The following GHR variants were observed in gnomAD, a reference collection of about 807,000 sequenced individuals.
GHR encodes growth hormone receptor.
In GHR, 35 loss-of-function variants were observed where a neutral mutation model predicts 67.1. The observed-to-expected ratio is 0.52, with a 90% confidence interval of 0.40 to 0.69. GHR has a LOEUF of 0.69. GHR is among the 30% of genes least tolerant of loss of function. GHR has a pLI of 0.00. For synonymous variants in GHR, 272 were observed against 269.1 expected (o/e 1.01, Z -0.10); for missense variants, 792 against 764.6 (o/e 1.04, Z -0.42).
At chr5:42,527,040 G>T (rs1312188421) in intron 1 of GHR, among the ~76,000 whole-genome samples, 1 of 152,162 alleles carries the variant, frequency 6.6e-6, no homozygotes, top group Non-Finnish European at 1.5e-5. Context: ...GTGGGAGTTT[G>T]TTAGTACCAG....
chr5:42,657,759 A>G (rs909082648), intron 3 of GHR, among the ~76,000 whole-genome samples: 3 of 152,136 alleles, frequency 2.0e-5, no homozygotes, highest in Non-Finnish European at 4.4e-5. Context: ...ATGAAGTTTT[A>G]TATAGCTACT....
intron 1 of GHR, among the ~76,000 whole-genome samples, chr5:42,529,489 A>G (rs1304992581): frequency 1.3e-5 from 2 of 152,200 alleles, no homozygotes; most frequent in Admixed American, 1.3e-4. Context: ...TCACCTCATT[A>G]TTATATGACT....
chr5:42,428,985 C>G (rs1316063209), intron 1 of GHR, among the ~76,000 whole-genome samples: 3 of 152,156 alleles, frequency 2.0e-5, no homozygotes, highest in Non-Finnish European at 4.4e-5. Context: ...TTACCCAGTT[C>G]TAAAGTTGCT....
chr5:42,424,996 G>C lies in GHR; in HGVS notation c.-12+1041G>C. The C allele has an allele frequency of 2.0e-6, 2 of 985,374 alleles. No homozygotes were observed. The highest frequency in any genetic ancestry group is 2.4e-6 in the Non-Finnish European group (2 of 829,850). The allele number at this position is 985,374 out of a possible 1,614,324, so 61.0% of individuals were successfully genotyped here. ...GGAAGAGGCCACAGAGGTGCCGCCT[G>C]TCTGTTTGTGCCGCCAGGAGACCTT... On this transcript the variant is annotated intron_variant, in intron 1 of 9. Coordinates refer to ENST00000230882, the MANE Select transcript of GHR (RefSeq NM_000163.5). The surrounding 1 kb of genome is among the most constrained non-coding windows in gnomAD (Gnocchi z 4.1).
intron 3 of GHR, among the ~76,000 whole-genome samples, chr5:42,688,382 C>T (rs575406302): frequency 7.2e-5 from 11 of 152,178 alleles, no homozygotes; most frequent in African/African-American, 1.7e-4. Context: ...GTACTGGGAG[C>T]GGTAGATAAA....
chr5:42,715,378 T>G (rs1227412306), intron 8 of GHR, among the ~76,000 whole-genome samples: 1 of 152,224 alleles, frequency 6.6e-6, no homozygotes, highest in African/African-American at 2.4e-5. Context: ...TGTAGGGCTG[T>G]AAAGTGGCGT....
intron 6 of GHR, among the ~76,000 whole-genome samples, chr5:42,709,662 G>A (rs1295139718): frequency 1.3e-5 from 2 of 152,140 alleles, no homozygotes; most frequent in Non-Finnish European, 2.9e-5. Flanking sequence ...ATGTAACATA[G>A]AAAGGTGTGT....
chr5:42,462,027 C>A (rs1231745421), intron 1 of GHR, among the ~76,000 whole-genome samples: 1 of 152,170 alleles, frequency 6.6e-6, no homozygotes, highest in Non-Finnish European at 1.5e-5. Context: ...AACATGGTAC[C>A]CAGAGGCCAA....
At chr5:42,636,047 A>G (rs991031908) in intron 3 of GHR, among the ~76,000 whole-genome samples, 12 of 151,888 alleles carry the variant, frequency 7.9e-5, no homozygotes, top group African/African-American at 1.4e-4. Flanking sequence ...CGTCTCTACT[A>G]AAAATACAAA....
chr5:42,478,151 C>T (rs1745430295), intron 1 of GHR, among the ~76,000 whole-genome samples: 1 of 152,180 alleles, frequency 6.6e-6, no homozygotes, highest in African/African-American at 2.4e-5. Context: ...ATCCTTTCCC[C>T]ATTTCTTGTT....
chr5:42,499,638 C>T (rs1746456888), intron 1 of GHR, among the ~76,000 whole-genome samples: 1 of 152,128 alleles, frequency 6.6e-6, no homozygotes, highest in African/African-American at 2.4e-5. Context: ...TTCCATCCTG[C>T]AAAAGAAAAC....
chr5:42,465,772 T>A, intron 1 of GHR: 1 of 865,408 alleles, frequency 1.2e-6, no homozygotes. Context: ...ATCCATCTCC[T>A]TGGCCCATTT....
intron 3 of GHR, among the ~76,000 whole-genome samples, chr5:42,673,070 A>G (rs999034802): frequency 2.0e-5 from 3 of 152,182 alleles, no homozygotes; most frequent in African/African-American, 7.2e-5. Context: ...TGAGCAAACA[A>G]AAAACAACCC....
intron 1 of GHR, among the ~76,000 whole-genome samples, chr5:42,544,161 T>C (rs1314244709): frequency 3.9e-5 from 6 of 152,086 alleles, no homozygotes; most frequent in Non-Finnish European, 8.8e-5. Flanking sequence ...TATGCCCTCA[T>C]CCCTAAAGAA....
intron 5 of GHR, among the ~76,000 whole-genome samples, chr5:42,695,400 A>G (rs1168411175): frequency 6.6e-6 from 1 of 152,176 alleles, no homozygotes; most frequent in East Asian, 1.9e-4. Context: ...GCAAAGGGTG[A>G]ACTTAATATA....
At chr5:42,497,212 C>T (rs1276106421) in intron 1 of GHR, among the ~76,000 whole-genome samples, 1 of 152,204 alleles carries the variant, frequency 6.6e-6, no homozygotes, top group Non-Finnish European at 1.5e-5. Flanking sequence ...TTCACTTAAA[C>T]TTATTTATCT....
intron 5 of GHR, among the ~76,000 whole-genome samples, chr5:42,695,804 G>C (rs910527779): frequency 3.3e-5 from 5 of 152,194 alleles, no homozygotes; most frequent in African/African-American, 4.8e-5. Flanking sequence ...GCTGAAATTA[G>C]TGCCTCAAAA....
At chr5:42,472,757 G>T (rs1745067394) in intron 1 of GHR, among the ~76,000 whole-genome samples, 1 of 152,106 alleles carries the variant, frequency 6.6e-6, no homozygotes, top group Non-Finnish European at 1.5e-5. Context: ...AGAGCTTCTT[G>T]TGAGTAGATG....
At chr5:42,661,002 G>A (rs1755580252) in intron 3 of GHR, among the ~76,000 whole-genome samples, 1 of 152,184 alleles carries the variant, frequency 6.6e-6, no homozygotes, top group Admixed American at 6.5e-5. Flanking sequence ...GGTAGAAATG[G>A]TATCAGTGAT....
Sources: allele counts gnomAD v4.1 joint callset (sites outside exome capture counted in the v4.1 genomes callset), GRCh38; gene constraint gnomAD v4.1.1; non-coding constraint Gnocchi (gnomAD v3.1); transcripts MANE v1.5; gene names NCBI Gene and HGNC (gene_info 2026-07-23, HGNC 2026-07-21).